TBC1D12: variants seen among roughly 807,000 people sequenced by gnomAD.
TBC1D12 encodes TBC1 domain family, member 12.
Under a neutral mutation model 86.7 loss-of-function variants are expected in TBC1D12, and 56 were observed. That is an observed-to-expected ratio of 0.65 (90% CI 0.52 to 0.81). The LOEUF (loss-of-function observed/expected upper bound fraction) is 0.81. TBC1D12 is among the 30% of genes least tolerant of loss of function. TBC1D12 has a pLI of 0.00. For synonymous variants in TBC1D12, 421 were observed against 411.7 expected (o/e 1.02, Z -0.27); for missense variants, 1,023 against 1,038.8 (o/e 0.98, Z 0.21).
At chr10:94,479,859 A>G (rs1157692826) in intron 3 of TBC1D12, among the ~76,000 whole-genome samples, 5 of 152,202 alleles carry the variant, frequency 3.3e-5, no homozygotes, top group Non-Finnish European at 7.3e-5. Context: ...TTAAGTATGT[A>G]AGTAGCCCAA....
rs2054904677 is a variant in TBC1D12 at position 94,409,625 on chromosome 10, T to G, written c.971+6041T>G. ...TCCTGGGCTCAAGTGATCTGCCCGC[T>G]TTGGCCTTTTAAAGTGCTAGGATTA... is the stretch of plus-strand genomic sequence containing the variant. On this transcript the variant is annotated intron_variant, in intron 1 of 12. Coordinates refer to ENST00000225235, the MANE Select transcript of TBC1D12 (RefSeq NM_015188.2). Among the ~76,000 whole-genome samples the G allele has an allele frequency of 2.6e-5, 4 of 152,048 alleles. No individual in the cohort carries two copies. The South Asian group carries it at 8.3e-4, about 32-fold the overall frequency.
chr10:94,441,058 C>T (rs557278925), intron 1 of TBC1D12, among the ~76,000 whole-genome samples: 3 of 151,816 alleles, frequency 2.0e-5, no homozygotes, highest in African/African-American at 7.3e-5. Flanking sequence ...CCATGTTGGT[C>T]GGGCTAGTCT....
chr10:94,492,125 A>G (rs146355889), intron 3 of TBC1D12, among the ~76,000 whole-genome samples: 48 of 152,320 alleles, frequency 3.2e-4, no homozygotes, highest in South Asian at 1.7e-3. Context: ...ATGTGTTCCA[A>G]TTGATGGCAA....
At chr10:94,500,461 C>A in intron 6 of TBC1D12, 134 bp downstream of exon 6, 1 of 549,412 alleles carries the variant, frequency 1.8e-6, no homozygotes, top group Non-Finnish European at 3.0e-6. Flanking sequence ...CATGCTTCAT[C>A]CCCCTGTTAT....
Position 94,534,838 on chromosome 10 carries a change from G to C in TBC1D12, c.*1742G>C, listed in dbSNP as rs1472620027. 3.3e-5 allele frequency: 5 copies of C among 152,116 alleles called. No individual in the cohort carries two copies. The highest frequency in any genetic ancestry group is 1.2e-4 in the African/African-American group (5 of 41,406). The allele number at this position is 152,116 out of a possible 1,614,324, so 9.4% of individuals were successfully genotyped here. A position where few individuals can be genotyped will look rare whatever the true frequency, so the allele number is the denominator to read the frequency against. The stretch of plus-strand genomic sequence containing the variant: ...GTCAGATGAAGGAGGTGGTATGCCT[G>C]GCTTAACTGCTGAAAATAGAGCATT... On this transcript the variant is annotated 3_prime_UTR_variant, in exon 13 of 13. Transcript: ENST00000225235.
intron 7 of TBC1D12, chr10:94,508,812 G>C (rs2056492078): frequency 6.6e-6 from 1 of 152,072 alleles, no homozygotes; most frequent in Non-Finnish European, 1.5e-5. Flanking sequence ...CTGCAGGTCT[G>C]CCTCTGTCGG....
At position 94,441,007 on chromosome 10, in the gene TBC1D12, G is replaced by A. The variant is rs111997003; in HGVS notation, c.972-889G>A. 7.7e-3 allele frequency among the ~76,000 whole-genome samples: 1,174 copies of A among 152,110 alleles called. 16 individuals are homozygous for A. Among genetic ancestry groups the A allele is most frequent in the African/African-American group, 0.027 (1,120 of 41,486 alleles). The stretch of plus-strand genomic sequence containing the variant: ...TGGAATTACAGGTGCCCACCACCAC[G>A]CTTGGCTAATTTTTGTATTTTTAGT... On this transcript the variant is annotated intron_variant, in intron 1 of 12. Coordinates refer to ENST00000225235, the MANE Select transcript of TBC1D12 (RefSeq NM_015188.2).
chr10:94,434,620 T>C (rs1359571922), intron 1 of TBC1D12, among the ~76,000 whole-genome samples: 2 of 151,276 alleles, frequency 1.3e-5, no homozygotes, highest in Non-Finnish European at 2.9e-5. Flanking sequence ...AAACTAGTAT[T>C]TTGGGGCTGG....
At chr10:94,498,692 G>C (rs1273328593) in intron 5 of TBC1D12, among the ~76,000 whole-genome samples, 4 of 152,038 alleles carry the variant, frequency 2.6e-5, no homozygotes, top group Non-Finnish European at 4.4e-5. Context: ...CTGGCCTCAA[G>C]TGATCAGCCT....
At chr10:94,474,179 G>A (rs902097278) in intron 2 of TBC1D12, among the ~76,000 whole-genome samples, 5 of 152,112 alleles carry the variant, frequency 3.3e-5, no homozygotes, top group African/African-American at 4.8e-5. Context: ...TCTAGTTGTA[G>A]ATTATTCAAA....
chr10:94,413,978 C>G (rs565216881), intron 1 of TBC1D12, among the ~76,000 whole-genome samples: 1 of 152,062 alleles, frequency 6.6e-6, no homozygotes, highest in African/African-American at 2.4e-5. Context: ...CTAGACTGTT[C>G]GTAGCCATCT....
chr10:94,504,108 A>G (rs1226756313), intron 6 of TBC1D12, among the ~76,000 whole-genome samples: 3 of 152,220 alleles, frequency 2.0e-5, no homozygotes, highest in African/African-American at 7.2e-5. Flanking sequence ...TATAGTCAGA[A>G]CTTTCAGTTA....
intron 1 of TBC1D12, among the ~76,000 whole-genome samples, chr10:94,413,222 C>T (rs933144484): frequency 1.3e-5 from 2 of 152,142 alleles, no homozygotes; most frequent in African/African-American, 4.8e-5. Context: ...CTTTGCTAGC[C>T]TTTACTTGGA....
In TBC1D12 at chr10:94,403,520, C is replaced by T; in HGVS notation, c.907C>T (p.Gln303Ter). ...GCCGGTGCCCTTGCCCGCCGCGGAGCAGGGTCCTGCGGGGGCTTCGGCCCG... is the reference window on the plus strand; with the variant it reads ...GCCGGTGCCCTTGCCCGCCGCGGAGTAGGGTCCTGCGGGGGCTTCGGCCCG... ...GPPVPLPAAEQGPAGASARAR... is the reference protein window; with the variant it reads ...GPPVPLPAAE Residue 303 changes from glutamine to a stop codon, truncating the protein, a stop_gained, in exon 1 of 13, where the codon CAG (glutamine) becomes TAG (stop). Transcript: ENST00000225235. LOFTEE classifies it high-confidence loss of function. 1.3e-6 allele frequency: 2 copies of T among 1,558,650 alleles called. No homozygotes were observed. Among genetic ancestry groups the T allele is most frequent in the Non-Finnish European group, 1.7e-6 (2 of 1,157,328 alleles).
chr10:94,524,045 A>G (rs929150747), intron 11 of TBC1D12, among the ~76,000 whole-genome samples: 5 of 152,132 alleles, frequency 3.3e-5, no homozygotes, highest in Admixed American at 3.3e-4. Flanking sequence ...TTAAAGTTCA[A>G]AGTTTTTTAG....
chr10:94,498,850 C>T (rs1255713152), intron 5 of TBC1D12, among the ~76,000 whole-genome samples: 4 of 151,832 alleles, frequency 2.6e-5, no homozygotes, highest in Non-Finnish European at 2.9e-5. Flanking sequence ...CTCACCGCAA[C>T]CCCGACCTCC....
At chr10:94,428,801 G>A (rs574356009) in intron 1 of TBC1D12, among the ~76,000 whole-genome samples, 19 of 151,516 alleles carry the variant, frequency 1.3e-4, no homozygotes, top group Non-Finnish European at 5.9e-5. Flanking sequence ...CCTTGACTTC[G>A]CAGGCTTACG....
intron 2 of TBC1D12, among the ~76,000 whole-genome samples, chr10:94,442,788 A>G (rs1336967961): frequency 1.3e-5 from 2 of 152,246 alleles, no homozygotes; most frequent in Non-Finnish European, 2.9e-5. Context: ...ATTTATAAAA[A>G]CAATCACATG....
intron 7 of TBC1D12, among the ~76,000 whole-genome samples, chr10:94,508,183 G>A (rs2056484107): frequency 6.6e-6 from 1 of 150,738 alleles, no homozygotes; most frequent in South Asian, 2.1e-4. Flanking sequence ...TTTCCTTCTG[G>A]ACTCCAATTA....
Sources: allele counts gnomAD v4.1 joint callset (sites outside exome capture counted in the v4.1 genomes callset), GRCh38; gene constraint gnomAD v4.1.1; transcripts MANE v1.5; gene names NCBI Gene and HGNC (gene_info 2026-07-23, HGNC 2026-07-21).